The following IFT80 variants were observed in gnomAD, a reference collection of about 807,000 sequenced individuals.
IFT80 encodes intraflagellar transport 80.
Under a neutral mutation model 107.9 loss-of-function variants are expected in IFT80, and 79 were observed. That is an observed-to-expected ratio of 0.73 (90% confidence interval 0.61 to 0.88). IFT80 has a LOEUF of 0.88. IFT80 is among the 40% of genes least tolerant of loss of function. IFT80 has a pLI of 0.00. For synonymous variants in IFT80, 299 were observed against 300.9 expected (o/e 0.99, Z 0.07); for missense variants, 797 against 914.2 (o/e 0.87, Z 1.65).
At chr3:160,361,149 C>T (rs1260642826) in intron 6 of IFT80, among the ~76,000 whole-genome samples, 2 of 152,122 alleles carry the variant, frequency 1.3e-5, no homozygotes, top group Non-Finnish European at 2.9e-5. Context: ...CATGCAGAGA[C>T]ACACATAGGC....
chr3:160,323,799 G>C (rs1418890814), intron 8 of IFT80, among the ~76,000 whole-genome samples: 2 of 151,812 alleles, frequency 1.3e-5, no homozygotes. Flanking sequence ...GAAGGAAATA[G>C]AGACCAAAAA....
chr3:160,358,036 G>A (rs1721221810), intron 6 of IFT80, among the ~76,000 whole-genome samples: 1 of 151,722 alleles, frequency 6.6e-6, no homozygotes, highest in Admixed American at 6.6e-5. Flanking sequence ...TTTGAGACAG[G>A]GTCTCACTGT....
At chr3:160,317,847 G>A (rs988975675) in intron 9 of IFT80, among the ~76,000 whole-genome samples, 2 of 152,006 alleles carry the variant, frequency 1.3e-5, no homozygotes, top group African/African-American at 4.8e-5. Context: ...CAGACCAAAA[G>A]AGACTTAAAA....
chr3:160,298,042 G>C (rs1462605472), intron 12 of IFT80, among the ~76,000 whole-genome samples: 1 of 152,128 alleles, frequency 6.6e-6, no homozygotes, highest in Non-Finnish European at 1.5e-5. Flanking sequence ...TCTGTGCAAA[G>C]TGAATAGGGA....
intron 18 of IFT80, among the ~76,000 whole-genome samples, chr3:160,271,105 G>A (rs1208070392): frequency 6.6e-6 from 1 of 152,070 alleles, no homozygotes; most frequent in Non-Finnish European, 1.5e-5. Flanking sequence ...TGTATCGATT[G>A]AATAGCAATG....
chr3:160,275,395 T>G (rs1307500926), intron 18 of IFT80, among the ~76,000 whole-genome samples: 3 of 152,238 alleles, frequency 2.0e-5, no homozygotes, highest in Non-Finnish European at 4.4e-5. Context: ...TTGTTTATAT[T>G]GTTTTTACTG....
chr3:160,386,231 T>C lies in IFT80; in HGVS notation c.-46-1585A>G, dbSNP rs1293376238. 2.6e-5 allele frequency among the ~76,000 whole-genome samples: 4 copies of C among 152,218 alleles called. No homozygotes were observed. In the East Asian group the frequency reaches 7.7e-4, roughly 29 times the overall value. On this transcript the variant is annotated intron_variant, in intron 1 of 19. Coordinates refer to ENST00000326448, the MANE Select transcript of IFT80 (RefSeq NM_020800.3). ...ACTCAGAAAGATTTTCCTCACACAA[T>C]TCCATTTATCTGAGACCATCTGTAT... is the stretch of plus-strand genomic sequence containing the variant.
rs568297622 is a variant in IFT80 at position 160,378,864 on chromosome 3, A to G, written c.260-1324T>C. Among the ~76,000 whole-genome samples the G allele has an allele frequency of 1.3e-4, 20 of 152,314 alleles. No individual in the cohort carries two copies. In the South Asian group the frequency reaches 3.5e-3, roughly 27 times the overall value. On this transcript the variant is annotated intron_variant, in intron 3 of 19. Coordinates refer to ENST00000326448, the MANE Select transcript of IFT80 (RefSeq NM_020800.3). ...GAATACCAACTAATCAATATGGAAGAAATTACGGAGTTGGAAAAATCACCA... is the reference window on the plus strand; with the variant it reads ...GAATACCAACTAATCAATATGGAAGGAATTACGGAGTTGGAAAAATCACCA...
intron 8 of IFT80, among the ~76,000 whole-genome samples, chr3:160,334,554 C>T (rs532195353): frequency 1.3e-5 from 2 of 152,032 alleles, no homozygotes; most frequent in African/African-American, 4.8e-5. Context: ...GTAGCTGGGA[C>T]TACAGGCACC....
chr3:160,259,580 C>T (rs75916771), intron 19 of IFT80, among the ~76,000 whole-genome samples: 1 of 152,274 alleles, frequency 6.6e-6, no homozygotes, highest in East Asian at 1.9e-4. Context: ...GACTGGGAAA[C>T]ACATGAAAAG....
chr3:160,299,487 A>G (rs1358099890), intron 12 of IFT80, among the ~76,000 whole-genome samples: 1 of 152,164 alleles, frequency 6.6e-6, no homozygotes, highest in East Asian at 1.9e-4. Context: ...ATTAACAGAG[A>G]GAAACAGTTA....
chr3:160,377,083 A>G (rs1217067535), intron 4 of IFT80, among the ~76,000 whole-genome samples: 1 of 152,230 alleles, frequency 6.6e-6, no homozygotes, highest in Non-Finnish European at 1.5e-5. Context: ...AATAGGTTGA[A>G]TCATTAGAGT....
At chr3:160,382,029 T>C (rs1196447105) in intron 2 of IFT80, among the ~76,000 whole-genome samples, 1 of 152,138 alleles carries the variant, frequency 6.6e-6, no homozygotes, top group Admixed American at 6.5e-5. Flanking sequence ...CCAAAAGGTA[T>C]ACAAAAGAGA....
chr3:160,317,880 G>A (rs1183271154), intron 9 of IFT80, among the ~76,000 whole-genome samples: 1 of 152,026 alleles, frequency 6.6e-6, no homozygotes, highest in Non-Finnish European at 1.5e-5. Flanking sequence ...ATTGCAATAT[G>A]TAAAACTGGA....
At chr3:160,352,273 C>A (rs760302143) in intron 8 of IFT80, among the ~76,000 whole-genome samples, 1 of 152,128 alleles carries the variant, frequency 6.6e-6, no homozygotes, top group Non-Finnish European at 1.5e-5. Context: ...GGATTACAGG[C>A]GTGAGCCACC....
intron 5 of IFT80, among the ~76,000 whole-genome samples, chr3:160,369,096 T>G (rs950448550): frequency 1.3e-5 from 2 of 151,994 alleles, no homozygotes; most frequent in African/African-American, 4.8e-5. Flanking sequence ...CTTCATAGTA[T>G]TTATCTTCCC....
chr3:160,367,812 G>C (rs973624199), intron 5 of IFT80, among the ~76,000 whole-genome samples: 1 of 151,950 alleles, frequency 6.6e-6, no homozygotes, highest in Non-Finnish European at 1.5e-5. Context: ...TCTTCTGGAA[G>C]ACTATACTTT....
intron 19 of IFT80, 117 bp from the exon 20 acceptor site, chr3:160,258,752 AAG>A: frequency 7.8e-7 from 1 of 1,281,084 alleles, no homozygotes; most frequent in Non-Finnish European, 1.1e-6. Flanking sequence ...ATTAGAGAAA[AAG>A]AGAGCATCAA....
intron 12 of IFT80, among the ~76,000 whole-genome samples, chr3:160,298,800 C>T (rs1716190007): frequency 6.6e-6 from 1 of 152,114 alleles, no homozygotes; most frequent in Non-Finnish European, 1.5e-5. Context: ...TACAAACCTA[C>T]ACAGCAAGTT....
Sources: allele counts gnomAD v4.1 joint callset (sites outside exome capture counted in the v4.1 genomes callset), GRCh38; gene constraint gnomAD v4.1.1; transcripts MANE v1.5; gene names NCBI Gene and HGNC (gene_info 2026-07-23, HGNC 2026-07-21).